ANTXR2: variants seen among roughly 807,000 people sequenced by gnomAD.
ANTXR2 encodes the protein anthrax toxin receptor 2.
ANTXR2 carries 44 observed loss-of-function variants against 73.7 expected under a neutral mutation model. The observed-to-expected ratio is 0.60, with a 90% CI of 0.47 to 0.77. ANTXR2 has a LOEUF of 0.77. Among genes scored for constraint, ANTXR2 ranks in the 30% least tolerant of loss-of-function variants. ANTXR2 has a pLI of 0.00. For missense variants in ANTXR2, 604 were observed against 592.5 expected (o/e 1.02, Z -0.20); for synonymous variants, 217 against 205.9 (o/e 1.05, Z -0.46).
chr4:79,910,513 AAAAAAAAAAG>A (rs1727087471), intron 16 of ANTXR2, among the ~76,000 whole-genome samples: 1 of 132,122 alleles, frequency 7.6e-6, no homozygotes, highest in South Asian at 2.6e-4. Flanking sequence ...GTCTCAAAAA[AAAAAAAAAAG>A]AAAAAAAAGA....
rs552461604 is a variant in ANTXR2 at position 80,037,209 on chromosome 4, G to A, written c.637-1177C>T. 5.3e-5 allele frequency among the ~76,000 whole-genome samples: 8 copies of A among 152,304 alleles called. No individual in the cohort carries two copies. In the South Asian group the frequency reaches 1.7e-3, roughly 32 times the overall value. On this transcript the variant is annotated intron_variant, in intron 7 of 16. Transcript: ENST00000403729. ...TCTTGACATTCCTTTCTTGGCAGAA[G>A]TTGAAGACAGATTATTTACAGCAGT...
At chr4:79,960,591 A>C (rs192482483) in intron 16 of ANTXR2, among the ~76,000 whole-genome samples, 6 of 152,156 alleles carry the variant, frequency 3.9e-5, no homozygotes, top group Non-Finnish European at 8.8e-5. Flanking sequence ...ATAAAATGGT[A>C]AACAAATGTC....
chr4:79,984,545 G>A (rs1286724801), intron 13 of ANTXR2, among the ~76,000 whole-genome samples: 2 of 152,060 alleles, frequency 1.3e-5, no homozygotes, highest in African/African-American at 4.8e-5. Flanking sequence ...AGTGATATCA[G>A]AACTGTTGAT....
chr4:79,914,936 G>T (rs1385762917), intron 16 of ANTXR2, among the ~76,000 whole-genome samples: 2 of 152,116 alleles, frequency 1.3e-5, no homozygotes, highest in South Asian at 4.1e-4. Context: ...CTTTTCTTCT[G>T]TATAAGAAGA....
chr4:80,063,516 T>TC (rs915834660), intron 3 of ANTXR2, among the ~76,000 whole-genome samples: 1 of 151,762 alleles, frequency 6.6e-6, no homozygotes, highest in Non-Finnish European at 1.5e-5. Context: ...GAAGGTTTTT[T>TC]CCACCTTCAA....
chr4:80,007,668 C>T (rs774826360), intron 12 of ANTXR2, among the ~76,000 whole-genome samples: 2 of 152,008 alleles, frequency 1.3e-5, no homozygotes, highest in African/African-American at 2.4e-5. Context: ...GATGTGACTA[C>T]AGAAAAATGG....
At position 79,983,959 on chromosome 4, in the gene ANTXR2, T is replaced by C. The variant is rs1729995690; in HGVS notation, c.1098A>G (p.Glu366=). The change falls in exon 14 of 17, where the codon GAA becomes GAG. Residue 366 remains glutamate, a synonymous_variant. Coordinates refer to ENST00000403729, the MANE Select transcript of ANTXR2 (RefSeq NM_058172.6). The part of the protein sequence containing the change: ...PAPAPKEEEE[E]PLPTKKWPTV... ...TTGGCCACTTTTTAGTAGGCAAAGG[T>C]TCTTCTTCCTCCTGTGGAAATATGT... 6.3e-7 allele frequency: 1 copy of C among 1,596,026 alleles called. No individual in the cohort carries two copies.
At chr4:80,007,855 T>C (rs1051913733) in intron 12 of ANTXR2, among the ~76,000 whole-genome samples, 2 of 152,204 alleles carry the variant, frequency 1.3e-5, no homozygotes, top group Non-Finnish European at 1.5e-5. Context: ...GTGAGACTCA[T>C]GTGAAAGCTG....
chr4:80,033,135 T>C lies in ANTXR2; in HGVS notation c.796+337A>G, dbSNP rs1162246883. On this transcript the variant is annotated intron_variant, in intron 9 of 16. Transcript: ENST00000403729. ...TGTGTTTGATGTAGTAGGTACAGAG[T>C]ACAGTCAGGAAAAGTGGGTTCAAAT... 4.6e-5 allele frequency among the ~76,000 whole-genome samples: 7 copies of C among 151,914 alleles called. No homozygotes were observed. In the East Asian group the frequency reaches 1.4e-3, roughly 29 times the overall value.
chr4:79,960,886 T>G (rs944976931), intron 16 of ANTXR2, among the ~76,000 whole-genome samples: 16 of 152,014 alleles, frequency 1.1e-4, no homozygotes, highest in African/African-American at 2.9e-4. Flanking sequence ...GTGTTTTATT[T>G]ATAAATAAAA....
chr4:80,024,371 A>G (rs1732317570), intron 10 of ANTXR2, among the ~76,000 whole-genome samples: 1 of 152,236 alleles, frequency 6.6e-6, no homozygotes, highest in Admixed American at 6.5e-5. Context: ...TAAAGCTAGT[A>G]AAAAGATCTT....
At chr4:79,916,209 T>G (rs1173182336) in intron 16 of ANTXR2, among the ~76,000 whole-genome samples, 4 of 152,062 alleles carry the variant, frequency 2.6e-5, no homozygotes, top group Non-Finnish European at 5.9e-5. Flanking sequence ...CAGTTGGCAG[T>G]TAATGGTACA....
intron 12 of ANTXR2, among the ~76,000 whole-genome samples, chr4:79,991,338 C>T (rs1390178828): frequency 2.0e-5 from 3 of 152,118 alleles, no homozygotes; most frequent in Middle Eastern, 6.8e-3. Context: ...GGCCAACAAG[C>T]TTATAAAAAA....
intron 7 of ANTXR2, among the ~76,000 whole-genome samples, chr4:80,039,434 C>T (rs1215200731): frequency 6.6e-6 from 1 of 151,936 alleles, no homozygotes; most frequent in East Asian, 1.9e-4. Flanking sequence ...TCTATTCTCA[C>T]CAAGTAATTA....
At chr4:79,963,300 T>G (rs1399080531) in intron 16 of ANTXR2, among the ~76,000 whole-genome samples, 1 of 152,154 alleles carries the variant, frequency 6.6e-6, no homozygotes, top group Non-Finnish European at 1.5e-5. Flanking sequence ...CCTTTGCCTT[T>G]GACGTTATCA....
intron 10 of ANTXR2, 56 bp from the exon 11 acceptor site, chr4:80,019,032 G>A: frequency 8.5e-7 from 1 of 1,175,734 alleles, no homozygotes; most frequent in African/African-American, 1.6e-5. Flanking sequence ...AGGAGTAGGA[G>A]ATTTTTATTT....
intron 13 of ANTXR2, 50 bp downstream of exon 13, chr4:79,984,769 G>C (rs1730038285): frequency 6.7e-7 from 1 of 1,498,534 alleles, no homozygotes; most frequent in African/African-American, 1.4e-5. Context: ...CATGGTATCT[G>C]CATTTGGAAA....
intron 3 of ANTXR2, among the ~76,000 whole-genome samples, chr4:80,058,161 G>A (rs1734086383): frequency 6.6e-6 from 1 of 152,012 alleles, no homozygotes; most frequent in African/African-American, 2.4e-5. Context: ...GTTCAAATCA[G>A]CTCACCATTG....
intron 3 of ANTXR2, among the ~76,000 whole-genome samples, chr4:80,059,178 C>T (rs1734132307): frequency 6.6e-6 from 1 of 151,804 alleles, no homozygotes; most frequent in Admixed American, 6.6e-5. Context: ...TCTATGCAGC[C>T]TCAAATACTT....
Sources: allele counts gnomAD v4.1 joint callset (sites outside exome capture counted in the v4.1 genomes callset), GRCh38; gene constraint gnomAD v4.1.1; transcripts MANE v1.5; gene names NCBI Gene and HGNC (gene_info 2026-07-23, HGNC 2026-07-21).